Variants in VPS35L observed in about 807,000 individuals in gnomAD.
VPS35L encodes the protein VPS35 endosomal protein sorting factor like, also known as VPS35 endosomal protein-sorting factor-like.
In VPS35L, 83 loss-of-function variants were observed where a neutral mutation model predicts 133.0. The ratio of observed to expected loss-of-function variants is 0.62; its 90% CI spans 0.52 to 0.75. The LOEUF (loss-of-function observed/expected upper bound fraction) is 0.75. Ranked by LOEUF, VPS35L falls within the 30% of genes least tolerant of loss-of-function variation. VPS35L has a pLI of 0.00. For missense variants in VPS35L, 1,083 were observed against 1,206.8 expected (o/e 0.90, Z 1.52); for synonymous variants, 423 against 449.9 (o/e 0.94, Z 0.76).
intron 6 of VPS35L, among the ~76,000 whole-genome samples, chr16:19,580,894 A>G (rs753395579): frequency 6.6e-6 from 1 of 152,056 alleles, no homozygotes; most frequent in Non-Finnish European, 1.5e-5. Flanking sequence ...TATGTTCCTC[A>G]GTTGGTTCCT....
chr16:19,635,677 T>C (rs76839404), intron 19 of VPS35L, among the ~76,000 whole-genome samples: 368 of 152,316 alleles, frequency 2.4e-3, no homozygotes, highest in Middle Eastern at 0.024. Context: ...ATGATTATTC[T>C]TAGGAAATAA....
intron 26 of VPS35L, among the ~76,000 whole-genome samples, chr16:19,653,464 G>A (rs901732588): frequency 1.3e-5 from 2 of 152,216 alleles, no homozygotes; most frequent in Admixed American, 1.3e-4. Context: ...ACCCAGGTGA[G>A]TAAACTGAGG....
intron 5 of VPS35L, among the ~76,000 whole-genome samples, chr16:19,577,482 A>G (rs1264463105): frequency 6.6e-6 from 1 of 152,202 alleles, no homozygotes; most frequent in African/African-American, 2.4e-5. Flanking sequence ...TCACATTTCA[A>G]AGATGAGACT....
At chr16:19,557,895 A>G (rs576301889) in intron 1 of VPS35L, among the ~76,000 whole-genome samples, 1 of 152,198 alleles carries the variant, frequency 6.6e-6, no homozygotes, top group East Asian at 2.0e-4. Flanking sequence ...CCACAAAAAT[A>G]CAAAAAGTAG....
intron 15 of VPS35L, among the ~76,000 whole-genome samples, chr16:19,626,858 G>C (rs1044290407): frequency 6.6e-6 from 1 of 152,042 alleles, no homozygotes; most frequent in East Asian, 1.9e-4. Flanking sequence ...TGACTCTCAC[G>C]AATATGAGGT....
chr16:19,585,347 T>C (rs1431148649), intron 7 of VPS35L, among the ~76,000 whole-genome samples: 1 of 152,166 alleles, frequency 6.6e-6, no homozygotes, highest in Non-Finnish European at 1.5e-5. Flanking sequence ...AGGGTTCTAA[T>C]TCCTCCACAT....
intron 29 of VPS35L, among the ~76,000 whole-genome samples, chr16:19,694,877 A>G (rs112324736): frequency 0.35 from 52,812 of 151,806 alleles, 14,292 homozygotes; most frequent in African/African-American, 0.76. Flanking sequence ...GTGGTGGCAC[A>G]TGCCTGTAAT....
chr16:19,587,537 G>A (rs1001230409), intron 7 of VPS35L: 1 of 240,586 alleles, frequency 4.2e-6, no homozygotes, highest in African/African-American at 2.4e-5. Flanking sequence ...TCAAGGTTGA[G>A]GCAGGAGAAT....
intron 8 of VPS35L, among the ~76,000 whole-genome samples, chr16:19,596,005 A>G (rs1972203347): frequency 6.6e-6 from 1 of 152,104 alleles, no homozygotes; most frequent in Non-Finnish European, 1.5e-5. Flanking sequence ...TTAGCCGGGC[A>G]TGGTGGTGGG....
chr16:19,623,068 A>G (rs1159747495), intron 14 of VPS35L, among the ~76,000 whole-genome samples: 1 of 152,158 alleles, frequency 6.6e-6, no homozygotes, highest in African/African-American at 2.4e-5. Flanking sequence ...TCCTTGTTTA[A>G]GAACAGGAAA....
chr16:19,555,706 A>G lies in VPS35L; in HGVS notation c.-24A>G. On this transcript the variant is annotated 5_prime_UTR_variant, in exon 1 of 31. Coordinates refer to ENST00000417362, the MANE Select transcript of VPS35L (RefSeq NM_020314.7). ...GGGAAGCCGAGCAGACGGCCCCAGA[A>G]CAAGCGGTCATGTGACTGGGAAGAT... 1 of 1,608,318 alleles carries G rather than the reference A, an allele frequency of 6.2e-7. No homozygotes were observed.
intron 26 of VPS35L, among the ~76,000 whole-genome samples, chr16:19,667,565 C>A (rs979459702): frequency 1.3e-5 from 2 of 151,944 alleles, no homozygotes; most frequent in Admixed American, 1.3e-4. Context: ...GAAACCCCAT[C>A]TCTACAAAAA....
intron 5 of VPS35L, among the ~76,000 whole-genome samples, chr16:19,575,633 C>T (rs528410998): frequency 2.2e-4 from 33 of 149,684 alleles, no homozygotes; most frequent in Non-Finnish European, 4.0e-4. Context: ...GAGGCCAAGA[C>T]AGGCAGATCG....
intron 26 of VPS35L, among the ~76,000 whole-genome samples, chr16:19,668,591 AGTGTGT>A (rs35546511): frequency 1.4e-4 from 21 of 147,492 alleles, no homozygotes; most frequent in East Asian, 8.0e-4. Flanking sequence ...CTTTAAGCTG[AGTGTGT>A]GTGTGTGTGT....
intron 24 of VPS35L, among the ~76,000 whole-genome samples, chr16:19,648,933 A>G (rs1455374605): frequency 6.6e-6 from 1 of 151,546 alleles, no homozygotes; most frequent in African/African-American, 2.4e-5. Context: ...ATGTCTAACA[A>G]CTTGACAGCC....
intron 18 of VPS35L, among the ~76,000 whole-genome samples, chr16:19,631,941 A>G (rs1973468844): frequency 6.9e-6 from 1 of 144,104 alleles, no homozygotes; most frequent in East Asian, 2.1e-4. Flanking sequence ...ACATTATTCT[A>G]AGGAAAAAAG....
At chr16:19,566,739 A>G (rs1020962597) in intron 2 of VPS35L, among the ~76,000 whole-genome samples, 3 of 152,034 alleles carry the variant, frequency 2.0e-5, no homozygotes, top group African/African-American at 7.2e-5. Flanking sequence ...CAATTTGAAC[A>G]GTTGGCCCCC....
At chr16:19,694,692 T>G (rs977913713) in intron 29 of VPS35L, among the ~76,000 whole-genome samples, 1 of 151,738 alleles carries the variant, frequency 6.6e-6, no homozygotes, top group Non-Finnish European at 1.5e-5. Flanking sequence ...TCTCTCTGGG[T>G]TGCCCAGGCT....
chr16:19,676,697 C>T (rs1334483888), intron 27 of VPS35L, among the ~76,000 whole-genome samples: 1 of 152,186 alleles, frequency 6.6e-6, no homozygotes, highest in African/African-American at 2.4e-5. Flanking sequence ...GCCATAAACA[C>T]AGCAAGTTGT....
Sources: allele counts gnomAD v4.1 joint callset (sites outside exome capture counted in the v4.1 genomes callset), GRCh38; gene constraint gnomAD v4.1.1; transcripts MANE v1.5; gene names NCBI Gene and HGNC (gene_info 2026-07-23, HGNC 2026-07-21).